Variants in TAF4B observed in about 807,000 individuals in gnomAD.
The protein encoded by TAF4B is transcription initiation factor TFIID subunit 4B.
A neutral mutation model predicts 86.4 loss-of-function variants in TAF4B; 38 were observed. The ratio of observed to expected loss-of-function variants is 0.44; its 90% CI spans 0.34 to 0.58. TAF4B has a LOEUF of 0.58. Among genes scored for constraint, TAF4B ranks in the 20% least tolerant of loss-of-function variants. The probability of loss-of-function intolerance (pLI) is 0.02; values close to 1 mark genes in which losing one functional copy is unlikely to be tolerated. For synonymous variants in TAF4B, 388 were observed against 391.2 expected (o/e 0.99, Z 0.10); for missense variants, 988 against 1,027.6 (o/e 0.96, Z 0.53).
At chr18:26,264,171 G>A (rs2056207230) in intron 1 of TAF4B, among the ~76,000 whole-genome samples, 1 of 152,208 alleles carries the variant, frequency 6.6e-6, no homozygotes, top group East Asian at 1.9e-4. Context: ...GGGTGCAGTG[G>A]CTCACACCTG....
chr18:26,256,510 C>A (rs774878908), intron 1 of TAF4B, among the ~76,000 whole-genome samples: 1 of 151,898 alleles, frequency 6.6e-6, no homozygotes, highest in Non-Finnish European at 1.5e-5. Flanking sequence ...CTCTATTTGC[C>A]CCTGCTCTTA....
intron 6 of TAF4B, among the ~76,000 whole-genome samples, chr18:26,283,428 C>CTT (rs201370746): frequency 1.4e-5 from 2 of 146,696 alleles, no homozygotes; most frequent in Non-Finnish European, 1.5e-5. Flanking sequence ...TGAAAATAAT[C>CTT]TTTTTTTTTT....
intron 7 of TAF4B, among the ~76,000 whole-genome samples, chr18:26,289,460 G>A (rs1032877006): frequency 5.9e-5 from 9 of 151,956 alleles, no homozygotes; most frequent in South Asian, 2.1e-4. Context: ...TCTCATTTGC[G>A]TTTGTTTTGT....
chr18:26,314,170 A>G (rs902078732), intron 9 of TAF4B, among the ~76,000 whole-genome samples: 1 of 152,178 alleles, frequency 6.6e-6, no homozygotes, highest in Non-Finnish European at 1.5e-5. Flanking sequence ...AAAAGACCAT[A>G]TTATATACCA....
rs758915043 is a variant in TAF4B at position 26,227,109 on chromosome 18, C to T, written c.176C>T (p.Ser59Phe). ...AGCGTCTGCGTGGAGCCCACGGCGT[C>T]CCAGCCCCTGCGGTCCCCCGTGGGG... ...PVSVCVEPTA[S>F]QPLRSPVGTL... The change falls in exon 1 of 15, where the codon TCC becomes TTC. Residue 59 changes from serine to phenylalanine, a missense_variant. By Grantham distance (155) the Ser-to-Phe change is radical. This residue lies in a region of TAF4B where 747 missense variants were observed against 737.9 expected (regional missense o/e 1.01). Transcript: ENST00000269142. The T allele has an allele frequency of 5.0e-6, 8 of 1,613,082 alleles. No homozygotes were observed. The South Asian group carries it at 8.8e-5, about 18-fold the overall frequency.
intron 14 of TAF4B, 64 bp from the exon 15 acceptor site, chr18:26,389,781 T>C: frequency 6.5e-7 from 1 of 1,545,236 alleles, no homozygotes; most frequent in Admixed American, 1.8e-5. Flanking sequence ...CATGCTAGAA[T>C]TGACAGGCTT....
In TAF4B at chr18:26,261,402, G is replaced by A. The variant is rs368983664; in HGVS notation, c.344-3768G>A. ...TTTTTAGTAGAGACGGGGTTTCACC[G>A]TTTTAGCCGGGATGGTCTCGATCTC... On this transcript the variant is annotated intron_variant, in intron 1 of 14. Coordinates refer to ENST00000269142, the MANE Select transcript of TAF4B (RefSeq NM_005640.3). Among the ~76,000 whole-genome samples the A allele has an allele frequency of 3.2e-4, 49 of 151,904 alleles. 1 individual carries two copies. In the South Asian group the frequency reaches 6.3e-3, roughly 19 times the overall value.
chr18:26,369,482 T>C (rs2057392958), intron 14 of TAF4B, among the ~76,000 whole-genome samples: 1 of 152,240 alleles, frequency 6.6e-6, no homozygotes, highest in African/African-American at 2.4e-5. Context: ...TTCCCAGATT[T>C]CTTTTTTCTT....
intron 14 of TAF4B, among the ~76,000 whole-genome samples, chr18:26,359,735 A>T (rs988696160): frequency 4.6e-5 from 7 of 152,060 alleles, no homozygotes; most frequent in Admixed American, 1.3e-4. Flanking sequence ...TTGTTTGTTT[A>T]TGTAGAGATA....
chr18:26,314,950 A>G (rs2056886366), intron 9 of TAF4B, among the ~76,000 whole-genome samples: 1 of 152,114 alleles, frequency 6.6e-6, no homozygotes, highest in African/African-American at 2.4e-5. Flanking sequence ...CTGTTATTAA[A>G]TATACATTGG....
At chr18:26,337,084 C>T (rs2057097922) in intron 13 of TAF4B, among the ~76,000 whole-genome samples, 2 of 152,168 alleles carry the variant, frequency 1.3e-5, no homozygotes, top group Non-Finnish European at 2.9e-5. Flanking sequence ...TTCCTTTGCA[C>T]CTCCATTTAT....
At chr18:26,378,671 T>G (rs1286530972) in intron 14 of TAF4B, among the ~76,000 whole-genome samples, 2 of 152,172 alleles carry the variant, frequency 1.3e-5, no homozygotes, top group African/African-American at 4.8e-5. Flanking sequence ...TATAAAACAT[T>G]TCTGTGATCC....
chr18:26,297,995 C>G (rs2056685473), intron 9 of TAF4B, among the ~76,000 whole-genome samples: 1 of 151,730 alleles, frequency 6.6e-6, no homozygotes, highest in South Asian at 2.1e-4. Context: ...TGCTCTGCAT[C>G]CTTGCTAACA....
chr18:26,386,312 A>AT (rs147308673), intron 14 of TAF4B, among the ~76,000 whole-genome samples: 5 of 144,882 alleles, frequency 3.5e-5, no homozygotes, highest in South Asian at 2.2e-4. Flanking sequence ...AGGTCTCTTT[A>AT]TTTTTTTTTT....
Position 26,241,193 on chromosome 18 carries a change from G to A in TAF4B, c.343+13917G>A, listed in dbSNP as rs151081511. Among the ~76,000 whole-genome samples, 673 of 152,222 alleles carry A rather than the reference G, an allele frequency of 4.4e-3. 5 individuals carry two copies. The highest frequency in any genetic ancestry group is 0.015 in the African/African-American group (638 of 41,542). On this transcript the variant is annotated intron_variant, in intron 1 of 14. Coordinates refer to ENST00000269142, the MANE Select transcript of TAF4B (RefSeq NM_005640.3). Reference sequence around the variant, plus strand: ...CCCATTTGTACCTCTGGTAGAATTCGGCTGTGAATCCATCTGGTCCTGGAG... The same window carrying A: ...CCCATTTGTACCTCTGGTAGAATTCAGCTGTGAATCCATCTGGTCCTGGAG...
chr18:26,259,768 G>A (rs1315809982), intron 1 of TAF4B, among the ~76,000 whole-genome samples: 1 of 152,196 alleles, frequency 6.6e-6, no homozygotes, highest in Non-Finnish European at 1.5e-5. Flanking sequence ...CTTTATAGCA[G>A]CATGATTTAT....
At chr18:26,251,514 T>C (rs1028994204) in intron 1 of TAF4B, among the ~76,000 whole-genome samples, 1 of 152,138 alleles carries the variant, frequency 6.6e-6, no homozygotes, top group Non-Finnish European at 1.5e-5. Context: ...GGGTAGAATA[T>C]GTAAATCATG....
At chr18:26,344,400 C>G (rs931879517) in intron 13 of TAF4B, among the ~76,000 whole-genome samples, 26 of 149,900 alleles carry the variant, frequency 1.7e-4, no homozygotes, top group African/African-American at 6.4e-4. Context: ...CTGTGGAGAT[C>G]AGAAGAAAGT....
At chr18:26,240,837 G>C (rs2055826146) in intron 1 of TAF4B, among the ~76,000 whole-genome samples, 2 of 152,182 alleles carry the variant, frequency 1.3e-5, no homozygotes, top group African/African-American at 4.8e-5. Flanking sequence ...CATCTATTGA[G>C]ATAATCATGT....
Sources: allele counts gnomAD v4.1 joint callset (sites outside exome capture counted in the v4.1 genomes callset), GRCh38; gene constraint gnomAD v4.1.1; regional missense constraint gnomAD v4.1.1; transcripts MANE v1.5; gene names NCBI Gene and HGNC (gene_info 2026-07-23, HGNC 2026-07-21).